Variants in BICC1 observed in about 807,000 individuals in gnomAD.
The protein encoded by BICC1 is protein bicaudal C homolog 1.
In BICC1, 43 loss-of-function variants were observed where a neutral mutation model predicts 111.0. That is an observed-to-expected ratio of 0.39 (90% CI 0.30 to 0.50). The LOEUF (loss-of-function observed/expected upper bound fraction) is 0.50. Ranked by LOEUF, BICC1 falls within the 20% of genes least tolerant of loss-of-function variation. The pLI, the probability that BICC1 is intolerant of heterozygous loss-of-function variation, is 0.88. For synonymous variants in BICC1, 467 were observed against 434.4 expected (o/e 1.07, Z -0.93); for missense variants, 1,091 against 1,203.2 (o/e 0.91, Z 1.38).
At chr10:58,658,142 T>C (rs1442176741) in intron 2 of BICC1, among the ~76,000 whole-genome samples, 1 of 152,216 alleles carries the variant, frequency 6.6e-6, no homozygotes, top group Non-Finnish European at 1.5e-5. Context: ...ATTATGCCAA[T>C]TTCTGTTCAT....
intron 3 of BICC1, among the ~76,000 whole-genome samples, chr10:58,746,985 C>T (rs1841852819): frequency 6.6e-6 from 1 of 152,116 alleles, no homozygotes; most frequent in African/African-American, 2.4e-5. Flanking sequence ...CCCTCCATTT[C>T]CAAAGGACAT....
chr10:58,752,159 G>T (rs1479280854), intron 3 of BICC1, among the ~76,000 whole-genome samples: 3 of 152,068 alleles, frequency 2.0e-5, no homozygotes, highest in Admixed American at 2.0e-4. Context: ...TAATTATATT[G>T]CTGAATCTAA....
intron 3 of BICC1, among the ~76,000 whole-genome samples, chr10:58,721,856 G>T (rs1448065105): frequency 2.0e-5 from 3 of 152,144 alleles, no homozygotes; most frequent in Non-Finnish European, 4.4e-5. Flanking sequence ...AGGTTAAGGA[G>T]CATTGATGAT....
chr10:58,638,601 A>T (rs1298045756), intron 2 of BICC1, among the ~76,000 whole-genome samples: 1 of 152,148 alleles, frequency 6.6e-6, no homozygotes, highest in East Asian at 1.9e-4. Flanking sequence ...TCTTATTCCC[A>T]AGAGCTGTGT....
At chr10:58,568,104 C>T (rs191982148) in intron 1 of BICC1, among the ~76,000 whole-genome samples, 3 of 152,096 alleles carry the variant, frequency 2.0e-5, no homozygotes, top group African/African-American at 4.8e-5. Flanking sequence ...CCTTGATTTC[C>T]TCATCTGTAC....
At chr10:58,790,041 C>A in intron 8 of BICC1, 108 bp downstream of exon 8, 2 of 1,264,724 alleles carry the variant, frequency 1.6e-6, no homozygotes, top group Non-Finnish European at 2.2e-6. Context: ...ACTTCGGAAG[C>A]CTCGTCAAAT....
intron 2 of BICC1, among the ~76,000 whole-genome samples, chr10:58,657,882 C>T (rs1588982392): frequency 6.6e-6 from 1 of 152,048 alleles, no homozygotes; most frequent in African/African-American, 2.4e-5. Flanking sequence ...CAACCAGTCC[C>T]CAGTTGATAT....
chr10:58,612,637 T>A (rs1221812504), intron 1 of BICC1, among the ~76,000 whole-genome samples: 1 of 151,902 alleles, frequency 6.6e-6, no homozygotes, highest in Admixed American at 6.6e-5. Flanking sequence ...ATGCCCTGAT[T>A]CTTTACAGAT....
At chr10:58,582,938 C>A (rs1844322115) in intron 1 of BICC1, among the ~76,000 whole-genome samples, 1 of 152,252 alleles carries the variant, frequency 6.6e-6, no homozygotes, top group East Asian at 1.9e-4. Context: ...CCTTTATTCT[C>A]CCTCAACATG....
chr10:58,592,059 TATA>T (rs1844637786), intron 1 of BICC1, among the ~76,000 whole-genome samples: 1 of 152,268 alleles, frequency 6.6e-6, no homozygotes, highest in Non-Finnish European at 1.5e-5. Context: ...AATGTGATTT[TATA>T]ATGTTTTTAA....
In BICC1 at chr10:58,731,189, G is replaced by A. The variant is rs12266722; in HGVS notation, c.307+29046G>A. ...TAAAGTTCCACAGATCCCTAGAGCA[G>A]GAGAACAACCAGGCAAGCTTTTTGC... On this transcript the variant is annotated intron_variant, in intron 3 of 20. Coordinates refer to ENST00000373886, the MANE Select transcript of BICC1 (RefSeq NM_001080512.3). 2.4e-3 allele frequency among the ~76,000 whole-genome samples: 368 copies of A among 152,322 alleles called. 1 individual carries two copies. Among genetic ancestry groups the A allele is most frequent in the African/African-American group, 8.6e-3 (359 of 41,576 alleles).
chr10:58,817,677 C>G lies in BICC1; in HGVS notation c.2649C>G (p.Ser883Arg). 6.2e-7 allele frequency: 1 copy of G among 1,613,334 alleles called. No homozygotes were observed. Among genetic ancestry groups the G allele is most frequent in the Non-Finnish European group, 8.5e-7 (1 of 1,179,564 alleles). Residue 883 changes from serine (S) to arginine (R), a missense_variant, in exon 19 of 21, where the codon AGC becomes AGG. Physicochemically the swap from Ser to Arg is moderately radical, Grantham distance 110. Coordinates refer to ENST00000373886, the MANE Select transcript of BICC1 (RefSeq NM_001080512.3). ...GTTCTGACCTCCCTGAGCTCTTCAG[C>G]AAACTGGGCCTGGGCAAATACACAG... The part of the protein sequence containing the change: ...FKGSDLPELF[S>R]KLGLGKYTDV...
chr10:58,656,527 A>T (rs1007216285), intron 2 of BICC1, among the ~76,000 whole-genome samples: 1 of 150,082 alleles, frequency 6.7e-6, no homozygotes, highest in South Asian at 2.2e-4. Flanking sequence ...CATCCCTGGG[A>T]TGCAAGGCTG....
chr10:58,828,938 C>T lies in BICC1; in HGVS notation c.*47C>T, dbSNP rs1402846371. 1 of 1,609,268 alleles carries T rather than the reference C, an allele frequency of 6.2e-7. No homozygotes were observed. Among genetic ancestry groups the T allele is most frequent in the South Asian group, 1.1e-5 (1 of 90,648 alleles). On this transcript the variant is annotated 3_prime_UTR_variant, in exon 21 of 21. Transcript: ENST00000373886. ...CCGCTGACTAACTGTAAAGTGGACA[C>T]AGGAGATGTATGAACAGCCTTCACA...
chr10:58,572,493 C>T (rs1048834780), intron 1 of BICC1, among the ~76,000 whole-genome samples: 1 of 151,774 alleles, frequency 6.6e-6, no homozygotes, highest in Non-Finnish European at 1.5e-5. Context: ...TTGTTGGAAG[C>T]CAGATTTAAG....
At chr10:58,732,182 T>C (rs1589075219) in intron 3 of BICC1, among the ~76,000 whole-genome samples, 1 of 150,944 alleles carries the variant, frequency 6.6e-6, no homozygotes, top group Non-Finnish European at 1.5e-5. Context: ...TTAGAAGCCA[T>C]TGTAGGGTTA....
intron 1 of BICC1, among the ~76,000 whole-genome samples, chr10:58,560,413 C>T (rs1236699413): frequency 6.6e-6 from 1 of 150,734 alleles, no homozygotes; most frequent in African/African-American, 2.4e-5. Context: ...ATGTCTTCCT[C>T]TTTTATTTCT....
chr10:58,751,921 A>G (rs977581707), intron 3 of BICC1, among the ~76,000 whole-genome samples: 1 of 152,066 alleles, frequency 6.6e-6, no homozygotes, highest in Non-Finnish European at 1.5e-5. Context: ...GGGTGCATTT[A>G]TTTTTTTCCA....
chr10:58,539,643 A>G (rs149949086), intron 1 of BICC1, among the ~76,000 whole-genome samples: 135 of 152,092 alleles, frequency 8.9e-4, no homozygotes, highest in African/African-American at 3.2e-3. Flanking sequence ...CACAAAAAAT[A>G]TATAAGGCAA....
Sources: gnomAD v4.1 joint callset for allele counts (sites outside exome capture counted in the v4.1 genomes callset) on GRCh38, gnomAD v4.1.1 for gene constraint, MANE v1.5 for transcripts, NCBI Gene and HGNC (gene_info 2026-07-23, HGNC 2026-07-21) for gene names.